The following SSUH2 variants were observed in gnomAD, a reference collection of about 807,000 sequenced individuals.
SSUH2 encodes the protein protein SSUH2 homolog.
SSUH2 carries 47 observed loss-of-function variants against 55.3 expected under a neutral mutation model. The ratio of observed to expected loss-of-function variants is 0.85; its 90% CI spans 0.67 to 1.08. The LOEUF is 1.08. Among genes scored for constraint, SSUH2 ranks in the 50% least tolerant of loss-of-function variants. The pLI is 0.00. For missense variants in SSUH2, 535 were observed against 490.7 expected (o/e 1.09, Z -0.85); for synonymous variants, 212 against 191.5 (o/e 1.11, Z -0.89).
At chr3:8,632,005 A>C (rs755130482) in intron 5 of SSUH2, 44 bp downstream of exon 5, 20 of 1,505,704 alleles carry the variant, frequency 1.3e-5, no homozygotes, top group Admixed American at 1.2e-4. Flanking sequence ...CAGCACCCTG[A>C]CTTATTTGCC....
chr3:8,640,162 G>T, intron 1 of SSUH2: 1 of 220,696 alleles, frequency 4.5e-6, no homozygotes, highest in Non-Finnish European at 7.6e-6. Context: ...GGTCATGGCT[G>T]CACAACAACG....
At chr3:8,671,865 G>A (rs556778515) in intron 4 of SSUH2, 17 of 145,120 alleles carry the variant, frequency 1.2e-4, no homozygotes, top group Admixed American at 1.1e-3. Context: ...CCCGCGATGC[G>A]GGGAGTAATA....
chr3:8,663,965 T>C, intron 5 of SSUH2: 1 of 393,270 alleles, frequency 2.5e-6, no homozygotes, highest in South Asian at 1.9e-5. Context: ...TTCTTTGGCT[T>C]GTTAACTTAC....
At chr3:8,642,841 A>G (rs184780621) in intron 1 of SSUH2, among the ~76,000 whole-genome samples, 1,887 of 151,670 alleles carry the variant, frequency 0.012, 35 homozygotes, top group African/African-American at 0.043. Flanking sequence ...ACACTTGGGG[A>G]AAAAAAAATC....
chr3:8,651,329 T>G (rs774796482), intron 7 of SSUH2, among the ~76,000 whole-genome samples: 2 of 152,322 alleles, frequency 1.3e-5, no homozygotes, highest in Admixed American at 6.5e-5. Flanking sequence ...AAGCCATCAT[T>G]GCTGACGGTG....
chr3:8,651,331 C>T (rs762249040), intron 7 of SSUH2, among the ~76,000 whole-genome samples: 9 of 152,210 alleles, frequency 5.9e-5, no homozygotes, highest in Non-Finnish European at 1.0e-4. Context: ...GCCATCATTG[C>T]TGACGGTGAG....
intron 7 of SSUH2, among the ~76,000 whole-genome samples, chr3:8,652,733 CCTT>C (rs1198885661): frequency 6.6e-6 from 1 of 152,196 alleles, no homozygotes; most frequent in African/African-American, 2.4e-5. Flanking sequence ...GAAACATTCT[CCTT>C]CTACCATTTT....
chr3:8,677,798 T>G (rs1705531360), intron 2 of SSUH2, among the ~76,000 whole-genome samples: 1 of 150,498 alleles, frequency 6.6e-6, no homozygotes, highest in Admixed American at 6.6e-5. Context: ...CCCCCCATGC[T>G]GTGGTGACTG....
upstream of SSUH2, among the ~76,000 whole-genome samples, chr3:8,647,394 G>C (rs897693853): frequency 2.0e-5 from 3 of 152,242 alleles, no homozygotes; most frequent in Non-Finnish European, 4.4e-5. Context: ...TAACGCAGAA[G>C]CTTGGTGATT....
At chr3:8,659,465 C>T (rs1449991237) in intron 6 of SSUH2, 1 of 200,776 alleles carries the variant, frequency 5.0e-6, no homozygotes, top group Non-Finnish European at 1.0e-5. Context: ...CTGCCCAGAG[C>T]AGAGTGAGCT....
chr3:8,638,822 C>T (rs936640167), intron 1 of SSUH2, among the ~76,000 whole-genome samples: 1 of 152,166 alleles, frequency 6.6e-6, no homozygotes, highest in South Asian at 2.1e-4. Context: ...ACAGCCCTGT[C>T]CCCTGGGATG....
chr3:8,673,449 G>A (rs1704847366), intron 3 of SSUH2, among the ~76,000 whole-genome samples: 2 of 152,088 alleles, frequency 1.3e-5, no homozygotes, highest in Admixed American at 1.3e-4. Context: ...GGATGGTCAG[G>A]TGGTGGAGAG....
At chr3:8,677,809 A>G (rs1191974041) in intron 2 of SSUH2, among the ~76,000 whole-genome samples, 1 of 150,664 alleles carries the variant, frequency 6.6e-6, no homozygotes, top group Non-Finnish European at 1.5e-5. Flanking sequence ...GTGGTGACTG[A>G]GAGCCAGCCC....
intron 10 of SSUH2, among the ~76,000 whole-genome samples, chr3:8,625,047 CA>C (rs1283621907): frequency 6.6e-6 from 1 of 152,112 alleles, no homozygotes; most frequent in Non-Finnish European, 1.5e-5. Context: ...GAATGTTTCT[CA>C]GTGCCCCTTC....
At chr3:8,672,286 G>T (rs563042175) in intron 3 of SSUH2, among the ~76,000 whole-genome samples, 6 of 151,924 alleles carry the variant, frequency 3.9e-5, no homozygotes, top group Non-Finnish European at 8.8e-5. Context: ...CCATATCACA[G>T]GGGGGCTGTA....
At chr3:8,659,657 G>T (rs1043747463) in intron 6 of SSUH2, 3 of 412,712 alleles carry the variant, frequency 7.3e-6, no homozygotes, top group Non-Finnish European at 1.5e-5. Flanking sequence ...TCAGTCCCCT[G>T]ACCCAAACCC....
intron 4 of SSUH2, among the ~76,000 whole-genome samples, chr3:8,633,101 T>C (rs1222010397): frequency 2.0e-5 from 3 of 151,758 alleles, no homozygotes; most frequent in African/African-American, 7.3e-5. Flanking sequence ...CGTTCTATGA[T>C]GCCTGGCATG....
Position 8,678,806 on chromosome 3 carries a change from G to A in SSUH2, c.-901+899C>T, listed in dbSNP as rs567681606. ...CCTGCCACTTAGGACCCCATCGCAG[G>A]GAGAGGAGGCGGCACTCCCCACGAG... On this transcript the variant is annotated intron_variant, in intron 2 of 18. Transcript: ENST00000317371. Among the ~76,000 whole-genome samples, 7 of 110,934 alleles carry A rather than the reference G, an allele frequency of 6.3e-5. 3 individuals carry two copies. Among genetic ancestry groups the A allele is most frequent in the African/African-American group, 2.2e-4 (7 of 32,364 alleles). 72.8% of individuals were successfully genotyped at this position (110,934 alleles called of 152,430 possible). A position where few individuals can be genotyped will look rare whatever the true frequency, so the allele number is the denominator to read the frequency against.
chr3:8,660,234 TAA>T (rs1703340730), intron 6 of SSUH2, among the ~76,000 whole-genome samples: 2 of 152,098 alleles, frequency 1.3e-5, no homozygotes, highest in African/African-American at 4.8e-5. Flanking sequence ...TAGAAATCCA[TAA>T]AGAGAGCGCT....
Sources: allele counts gnomAD v4.1 joint callset (sites outside exome capture counted in the v4.1 genomes callset), GRCh38; gene constraint gnomAD v4.1.1; transcripts MANE v1.5; gene names NCBI Gene and HGNC (gene_info 2026-07-23, HGNC 2026-07-21).